The following DENND4A variants were observed in gnomAD, a reference collection of about 807,000 sequenced individuals.
The protein encoded by DENND4A is C-myc promoter-binding protein.
In DENND4A, 70 loss-of-function variants were observed where a neutral mutation model predicts 199.3. The observed-to-expected ratio is 0.35, with a 90% CI of 0.29 to 0.43. DENND4A has a LOEUF of 0.43. Among genes scored for constraint, DENND4A ranks in the 20% least tolerant of loss-of-function variants. The pLI, the probability that DENND4A is intolerant of heterozygous loss-of-function variation, is 1.00. For missense variants in DENND4A, 1,723 were observed against 2,255.8 expected, an observed-to-expected ratio of 0.76 and a Z score of 4.78; for synonymous variants, 686 against 766.9, an observed-to-expected ratio of 0.89 and a Z score of 1.74.
chr15:65,772,128 C>T (rs2077148779), intron 1 of DENND4A: 1 of 799,584 alleles, frequency 1.3e-6, no homozygotes, highest in Non-Finnish European at 2.2e-6. Context: ...AGCTTCATCC[C>T]TGTTCCCCTC....
intron 14 of DENND4A, 77 bp from the exon 15 acceptor site, chr15:65,706,301 A>C: frequency 7.6e-7 from 1 of 1,322,948 alleles, no homozygotes; most frequent in East Asian, 2.8e-5. Context: ...AAGTGGTTAA[A>C]TAAACCATCT....
chr15:65,774,121 C>T (rs1380389823), intron 1 of DENND4A, among the ~76,000 whole-genome samples: 3 of 152,090 alleles, frequency 2.0e-5, no homozygotes, highest in African/African-American at 4.8e-5. Flanking sequence ...CTTTGGAGGC[C>T]GAGGTTGGTG....
chr15:65,737,778 A>G lies in DENND4A; in HGVS notation c.969T>C (p.Asp323=). 6.3e-7 allele frequency: 1 copy of G among 1,594,656 alleles called. No homozygotes were observed. Among genetic ancestry groups the G allele is most frequent in the Non-Finnish European group, 8.5e-7 (1 of 1,169,990 alleles). The change falls in exon 7 of 33, where the codon GAT becomes GAC. Residue 323 remains aspartate (D), a synonymous_variant. Transcript: ENST00000443035. ...ICLLSHWPFF[D]AFRKFLTFLY... ...GAAAAGTCAGAAACTTCCTGAATGCATCAAAAAAAGGCCAGTGAGAAAGAA... is the reference window on the plus strand; with the variant it reads ...GAAAAGTCAGAAACTTCCTGAATGCGTCAAAAAAAGGCCAGTGAGAAAGAA...
chr15:65,737,558 G>C, intron 7 of DENND4A, 149 bp downstream of exon 7: 1 of 715,898 alleles, frequency 1.4e-6, no homozygotes. Flanking sequence ...ACATACAATG[G>C]AGAAATACTA....
intron 5 of DENND4A, among the ~76,000 whole-genome samples, chr15:65,740,290 A>G (rs115468714): frequency 0.039 from 5,847 of 151,752 alleles, 383 homozygotes; most frequent in African/African-American, 0.14. Context: ...CAAAAAAAAA[A>G]AAAGAAAGAA....
intron 22 of DENND4A, among the ~76,000 whole-genome samples, chr15:65,694,933 TA>T (rs2077092999): frequency 6.6e-6 from 1 of 151,854 alleles, no homozygotes; most frequent in South Asian, 2.1e-4. Context: ...CATATTTAAA[TA>T]AAAAAATTAA....
At chr15:65,674,215 AT>A (rs1566989778) in intron 24 of DENND4A, among the ~76,000 whole-genome samples, 1 of 152,194 alleles carries the variant, frequency 6.6e-6, no homozygotes, top group African/African-American at 2.4e-5. Flanking sequence ...TATATGATAA[AT>A]ATCACTTAAA....
At chr15:65,746,892 C>A (rs1430362383) in intron 4 of DENND4A, among the ~76,000 whole-genome samples, 1 of 150,062 alleles carries the variant, frequency 6.7e-6, no homozygotes, top group Non-Finnish European at 1.5e-5. Flanking sequence ...TATGGTAAAA[C>A]CCTGTTCTCT....
At chr15:65,702,708 T>C (rs74023364) in intron 16 of DENND4A, among the ~76,000 whole-genome samples, 165 bp downstream of exon 16, 1 of 152,204 alleles carries the variant, frequency 6.6e-6, no homozygotes, top group Non-Finnish European at 1.5e-5. Flanking sequence ...ACAAGAGAAC[T>C]AGTTAATTTC....
At chr15:65,728,855 T>G (rs1307273379) in intron 11 of DENND4A, 1 of 561,624 alleles carries the variant, frequency 1.8e-6, no homozygotes, top group African/African-American at 1.9e-5. Flanking sequence ...AGCCTGAGGA[T>G]GAAAGGTATA....
At chr15:65,733,277 T>C (rs1307477136) in intron 7 of DENND4A, among the ~76,000 whole-genome samples, 2 of 152,152 alleles carry the variant, frequency 1.3e-5, no homozygotes, top group African/African-American at 2.4e-5. Flanking sequence ...TTAAAAATTA[T>C]ATTACTGATT....
chr15:65,759,704 T>C (rs2076804225), intron 2 of DENND4A, among the ~76,000 whole-genome samples: 1 of 152,198 alleles, frequency 6.6e-6, no homozygotes, highest in Non-Finnish European at 1.5e-5. Flanking sequence ...CCTCAGCTCG[T>C]TGCATATAAC....
chr15:65,722,031 T>C (rs966973141), intron 12 of DENND4A, among the ~76,000 whole-genome samples: 3 of 152,194 alleles, frequency 2.0e-5, no homozygotes, highest in Non-Finnish European at 4.4e-5. Flanking sequence ...AACTTTAAGA[T>C]AGGCACACAG....
intron 7 of DENND4A, among the ~76,000 whole-genome samples, chr15:65,735,701 G>A (rs2076096034): frequency 1.3e-5 from 2 of 152,182 alleles, no homozygotes; most frequent in Admixed American, 1.3e-4. Context: ...GTATACAGAA[G>A]CACAATGGTT....
chr15:65,689,887 G>A (rs1387558016), intron 23 of DENND4A, among the ~76,000 whole-genome samples: 1 of 152,168 alleles, frequency 6.6e-6, no homozygotes, highest in East Asian at 1.9e-4. Context: ...CAGGGAGAAA[G>A]TGGCTCTAGA....
chr15:65,752,786 ATAAC>A (rs1235489753), intron 3 of DENND4A, among the ~76,000 whole-genome samples, 158 bp from the exon 4 acceptor site: 1 of 152,116 alleles, frequency 6.6e-6, no homozygotes, highest in Non-Finnish European at 1.5e-5. Flanking sequence ...GAATTAAAGA[ATAAC>A]TCTTTTCCCC....
chr15:65,706,684 C>T (rs868030713), intron 14 of DENND4A, among the ~76,000 whole-genome samples: 8 of 151,988 alleles, frequency 5.3e-5, no homozygotes, highest in Non-Finnish European at 7.4e-5. Flanking sequence ...TTAGTAGAGA[C>T]GGGGTTTCAC....
intron 2 of DENND4A, among the ~76,000 whole-genome samples, chr15:65,758,234 T>G (rs987829391): frequency 6.6e-6 from 1 of 152,212 alleles, no homozygotes; most frequent in East Asian, 1.9e-4. Context: ...TACAACAGAT[T>G]CAAAGAAAAA....
At position 65,690,825 on chromosome 15, in the gene DENND4A, T is replaced by C; in HGVS notation, c.3769A>G (p.Asn1257Asp). ...DLAEEIVMYMNNMSSPLTSRT... is the reference protein window; with the variant it reads ...DLAEEIVMYMDNMSSPLTSRT... ...CTTGTCAAAGGACTGCTCATGTTAT[T>C]CATATACATCACAATTTCTTCAGCT... Residue 1257 changes from asparagine to aspartate, a missense_variant, in exon 23 of 33, where the codon AAT becomes GAT. Coordinates refer to ENST00000443035, the MANE Select transcript of DENND4A (RefSeq NM_001320835.1). 1 of 1,613,338 alleles carries C rather than the reference T, an allele frequency of 6.2e-7. No homozygotes were observed. Among genetic ancestry groups the C allele is most frequent in the Non-Finnish European group, 8.5e-7 (1 of 1,179,724 alleles).
Sources: allele counts gnomAD v4.1 joint callset (sites outside exome capture counted in the v4.1 genomes callset), GRCh38; gene constraint gnomAD v4.1.1; transcripts MANE v1.5; gene names NCBI Gene and HGNC (gene_info 2026-07-23, HGNC 2026-07-21).